The following PNPLA7 variants were observed in gnomAD, a reference collection of about 807,000 sequenced individuals.
The protein encoded by PNPLA7 is patatin like domain 7, lysophospholipase.
Under a neutral mutation model 161.7 loss-of-function variants are expected in PNPLA7, and 153 were observed. That is an observed-to-expected ratio of 0.95 (90% CI 0.83 to 1.08). The LOEUF (loss-of-function observed/expected upper bound fraction) is 1.08. Ranked by LOEUF, PNPLA7 falls within the 50% of genes least tolerant of loss-of-function variation. The pLI is 0.00. For missense variants in PNPLA7, 1,739 were observed against 1,856.6 expected, an observed-to-expected ratio of 0.94 and a Z score of 1.16; for synonymous variants, 809 against 782.1, an observed-to-expected ratio of 1.03 and a Z score of -0.57.
Position 137,521,636 on chromosome 9 carries a change from A to T in PNPLA7, c.957T>A (p.Ala319=). The part of the protein sequence containing the change: ...YLGLTTELFN[A]ESQAIPLVSV... Reference sequence around the variant, plus strand: ...GCTTTGTGAGGTGGTTTTCACTTACAGCGTTGAAGAGCTCTGTGGTCAGGC... The same window carrying T: ...GCTTTGTGAGGTGGTTTTCACTTACTGCGTTGAAGAGCTCTGTGGTCAGGC... Residue 319 remains alanine (A), a splice_region_variant and synonymous_variant, in exon 10 of 35, where the codon GCT becomes GCA. Transcript: ENST00000406427. 1 of 1,612,240 alleles carries T rather than the reference A, an allele frequency of 6.2e-7. No individual in the cohort carries two copies. The highest frequency in any genetic ancestry group is 1.7e-5 in the Admixed American group (1 of 59,894).
intron 22 of PNPLA7, 94 bp from the exon 23 acceptor site, chr9:137,480,574 C>T (rs1419218967): frequency 1.5e-6 from 2 of 1,375,776 alleles, no homozygotes; most frequent in East Asian, 2.4e-5. Flanking sequence ...AGGCCAGCAC[C>T]AGCCGCTGCC....
chr9:137,471,455 CGG>C (rs1564286014), intron 25 of PNPLA7, among the ~76,000 whole-genome samples: 2 of 151,756 alleles, frequency 1.3e-5, no homozygotes, highest in South Asian at 2.1e-4. Flanking sequence ...AAAAATTAGC[CGG>C]GCGTGGTGGC....
chr9:137,540,525 C>A lies in PNPLA7; in HGVS notation c.747+117G>T, dbSNP rs1836137023. 1 of 911,368 alleles carries A rather than the reference C, an allele frequency of 1.1e-6. No homozygotes were observed. The highest frequency in any genetic ancestry group is 1.7e-6 in the Non-Finnish European group (1 of 590,456). The allele number at this position is 911,368 out of a possible 1,614,324, so 56.5% of individuals were successfully genotyped here. A position where few individuals can be genotyped will look rare whatever the true frequency, so the allele number is the denominator to read the frequency against. ...TTCCTGGACCAAACCCTGCTCCCCTCACATCACTGTGGAGAACTGGCCTTT... is the reference window on the plus strand; with the variant it reads ...TTCCTGGACCAAACCCTGCTCCCCTAACATCACTGTGGAGAACTGGCCTTT... On this transcript the variant is annotated intron_variant, in intron 8 of 34. Transcript: ENST00000406427. The surrounding 1 kb of genome is among the most constrained non-coding windows in gnomAD (Gnocchi z 5.1).
chr9:137,486,777 G>A lies in PNPLA7; in HGVS notation c.2198-2041C>T, dbSNP rs570227919. Among the ~76,000 whole-genome samples the A allele has an allele frequency of 1.3e-5, 2 of 151,836 alleles. No homozygotes were observed. The highest frequency in any genetic ancestry group is 2.4e-5 in the African/African-American group (1 of 41,166). ...ACAGTGGCCGGAGCTGGCCTTCGAC[G>A]CCCAAGTCTGCCCGGAGCCTTTTTT... is the stretch of plus-strand genomic sequence containing the variant. On this transcript the variant is annotated intron_variant, in intron 20 of 34. Transcript: ENST00000406427. This position sits in a 1 kb window ranked among gnomAD's most constrained non-coding sequence, Gnocchi z 6.0.
intron 14 of PNPLA7, among the ~76,000 whole-genome samples, chr9:137,503,814 A>AG (rs1564324551): frequency 0.017 from 40 of 2,360 alleles, 8 homozygotes; most frequent in South Asian, 0.065. Flanking sequence ...AGAAGGAAGA[A>AG]GATGAAGGAA....
chr9:137,498,596 GC>G (rs771664110), intron 16 of PNPLA7, among the ~76,000 whole-genome samples: 1 of 152,250 alleles, frequency 6.6e-6, no homozygotes, highest in Non-Finnish European at 1.5e-5. Flanking sequence ...CGTGGGTGTG[GC>G]TGGCAGTGAG....
intron 25 of PNPLA7, among the ~76,000 whole-genome samples, chr9:137,477,694 C>G (rs781397467): frequency 2.0e-5 from 3 of 152,238 alleles, no homozygotes; most frequent in Non-Finnish European, 4.4e-5. Context: ...CTGCCCGCCT[C>G]GGCCTCCCAA....
At chr9:137,461,661 C>G (rs762517028) in intron 32 of PNPLA7, 41 bp from the exon 33 acceptor site, 2 of 1,536,544 alleles carry the variant, frequency 1.3e-6, no homozygotes, top group Non-Finnish European at 1.8e-6. Flanking sequence ...TGTGGACACC[C>G]GCCTGCCAGT....
chr9:137,523,029 C>T lies in PNPLA7; in HGVS notation c.748-172G>A, dbSNP rs891042304. 5.9e-5 allele frequency among the ~76,000 whole-genome samples: 9 copies of T among 152,154 alleles called. No homozygotes were observed. Among genetic ancestry groups the T allele is most frequent in the African/African-American group, 9.7e-5 (4 of 41,438 alleles). On this transcript the variant is annotated intron_variant, in intron 8 of 34. Coordinates refer to ENST00000406427, the MANE Select transcript of PNPLA7 (RefSeq NM_001098537.3). This position sits in a 1 kb window ranked among gnomAD's most constrained non-coding sequence, Gnocchi z 4.4. ...TGCTGCTTTTGGCACCAGCTGCACA[C>T]GTTTTTTGACTGTCCAAGACATGTG...
intron 8 of PNPLA7, among the ~76,000 whole-genome samples, chr9:137,528,998 C>A (rs1438123638): frequency 6.6e-6 from 1 of 152,152 alleles, no homozygotes; most frequent in East Asian, 1.9e-4. Flanking sequence ...CCGCGCCCGG[C>A]CTTTTTTATT....
At chr9:137,542,385 C>T (rs566467848) in intron 7 of PNPLA7, among the ~76,000 whole-genome samples, 44 of 152,268 alleles carry the variant, frequency 2.9e-4, no homozygotes, top group African/African-American at 9.9e-4. Flanking sequence ...GCGGGAGGAT[C>T]GCTTGAGCCC....
intron 1 of PNPLA7, among the ~76,000 whole-genome samples, chr9:137,548,348 A>C (rs1392217559): frequency 6.6e-6 from 1 of 152,200 alleles, no homozygotes; most frequent in Non-Finnish European, 1.5e-5. Flanking sequence ...CGGATAGGGC[A>C]GGGGAAGCCA....
chr9:137,491,417 G>A (rs1832756528), intron 20 of PNPLA7: 1 of 894,422 alleles, frequency 1.1e-6, no homozygotes, highest in African/African-American at 1.8e-5. Flanking sequence ...CAGAAGGGAT[G>A]AGGAACACAT....
chr9:137,550,205 A>C lies in PNPLA7; in HGVS notation c.-8T>G. 2 of 1,613,056 alleles carry C rather than the reference A, an allele frequency of 1.2e-6. No individual in the cohort carries two copies. Among genetic ancestry groups the C allele is most frequent in the Non-Finnish European group, 1.7e-6 (2 of 1,179,842 alleles). The stretch of plus-strand genomic sequence containing the variant: ...ATCTTTCTCTTCCTCCATGGCCAGA[A>C]ACAGAAAAAACAGTCAGGGGCGAAA... On this transcript the variant is annotated 5_prime_UTR_variant, in exon 1 of 35. Coordinates refer to ENST00000406427, the MANE Select transcript of PNPLA7 (RefSeq NM_001098537.3).
intron 20 of PNPLA7, among the ~76,000 whole-genome samples, chr9:137,488,422 G>GTTCT (rs760160575): frequency 7.2e-5 from 11 of 152,206 alleles, no homozygotes; most frequent in Non-Finnish European, 1.2e-4. Flanking sequence ...CACTGGTGAG[G>GTTCT]TTCTGGCTCT....
Position 137,499,133 on chromosome 9 carries a change from C to G in PNPLA7, c.1758-888G>C, listed in dbSNP as rs2132272997. Among the ~76,000 whole-genome samples, 1 of 152,016 alleles carries G rather than the reference C, an allele frequency of 6.6e-6. No homozygotes were observed. The highest frequency in any genetic ancestry group is 6.6e-5 in the Admixed American group (1 of 15,266). On this transcript the variant is annotated intron_variant, in intron 16 of 34. Coordinates refer to ENST00000406427, the MANE Select transcript of PNPLA7 (RefSeq NM_001098537.3). This position sits in a 1 kb window ranked among gnomAD's most constrained non-coding sequence, Gnocchi z 5.5. Reference sequence around the variant, plus strand: ...ACACACAGGCAGACACACAGACACACACAGACACACGGAGACAGAGACACT... The same window carrying G: ...ACACACAGGCAGACACACAGACACAGACAGACACACGGAGACAGAGACACT...
Position 137,486,024 on chromosome 9 carries a change from G to A in PNPLA7, c.2198-1288C>T, listed in dbSNP as rs896813358. Among the ~76,000 whole-genome samples the A allele has an allele frequency of 2.6e-5, 4 of 151,856 alleles. No homozygotes were observed. The highest frequency in any genetic ancestry group is 2.1e-4 in the South Asian group (1 of 4,808). ...CGCCACCAGCCACGCTCCTGCCCACGAGGGTCTCCTGCATCTAGGTGCCGT... is the reference window on the plus strand; with the variant it reads ...CGCCACCAGCCACGCTCCTGCCCACAAGGGTCTCCTGCATCTAGGTGCCGT... On this transcript the variant is annotated intron_variant, in intron 20 of 34. Transcript: ENST00000406427. This position sits in a 1 kb window ranked among gnomAD's most constrained non-coding sequence, Gnocchi z 6.0.
At chr9:137,483,965 G>C (rs1007374495) in intron 21 of PNPLA7, among the ~76,000 whole-genome samples, 1 of 151,786 alleles carries the variant, frequency 6.6e-6, no homozygotes, top group South Asian at 2.1e-4. Context: ...ACAGAATCTT[G>C]CTCTGTCGCC....
In PNPLA7 at chr9:137,476,264, T is replaced by C. The variant is rs1183936479; in HGVS notation, c.2882+1770A>G. Among the ~76,000 whole-genome samples, 2 of 152,028 alleles carry C rather than the reference T, an allele frequency of 1.3e-5. No individual in the cohort carries two copies. Among genetic ancestry groups the C allele is most frequent in the Non-Finnish European group, 2.9e-5 (2 of 68,010 alleles). ...AAGGATACCCAGAAAACTGAACAAA[T>C]GTGACAATTATTAACTCCAAGGAAG... On this transcript the variant is annotated intron_variant, in intron 25 of 34. Transcript: ENST00000406427. This position sits in a 1 kb window ranked among gnomAD's most constrained non-coding sequence, Gnocchi z 4.5.
Sources: allele counts gnomAD v4.1 joint callset (sites outside exome capture counted in the v4.1 genomes callset), GRCh38; gene constraint gnomAD v4.1.1; non-coding constraint Gnocchi (gnomAD v3.1); transcripts MANE v1.5; gene names NCBI Gene and HGNC (gene_info 2026-07-23, HGNC 2026-07-21).